Variants in FSTL5 observed in about 807,000 individuals in gnomAD.
The protein encoded by FSTL5 is follistatin-related protein 5.
Under a neutral mutation model 89.1 loss-of-function variants are expected in FSTL5, and 62 were observed. The observed-to-expected ratio is 0.70, with a 90% CI of 0.57 to 0.86. The LOEUF (loss-of-function observed/expected upper bound fraction) is 0.86, where lower values mean the gene tolerates loss of function less well. Ranked by LOEUF, FSTL5 falls within the 40% of genes least tolerant of loss-of-function variation. The probability of loss-of-function intolerance (pLI) is 0.00; values close to 1 mark genes in which losing one functional copy is unlikely to be tolerated. For synonymous variants in FSTL5, 383 were observed against 346.2 expected (o/e 1.11, Z -1.18); for missense variants, 1,057 against 1,001.6 (o/e 1.06, Z -0.75).
At chr4:162,044,650 AT>A (rs1738103524) in intron 2 of FSTL5, among the ~76,000 whole-genome samples, 1 of 152,192 alleles carries the variant, frequency 6.6e-6, no homozygotes, top group Non-Finnish European at 1.5e-5. Flanking sequence ...ATTTGTTTTC[AT>A]AGGAGGTTGT....
At chr4:162,029,869 A>C (rs1382817057) in intron 3 of FSTL5, among the ~76,000 whole-genome samples, 1 of 151,926 alleles carries the variant, frequency 6.6e-6, no homozygotes, top group Non-Finnish European at 1.5e-5. Context: ...CTATTTTAGG[A>C]AAGAACAAAA....
At chr4:161,943,609 G>T (rs550030686) in intron 3 of FSTL5, among the ~76,000 whole-genome samples, 1 of 129,312 alleles carries the variant, frequency 7.7e-6, no homozygotes, top group Admixed American at 9.1e-5. Context: ...AGGCTGGAGT[G>T]CAGTGGTGCA....
At chr4:162,003,229 T>C (rs1736517668) in intron 3 of FSTL5, among the ~76,000 whole-genome samples, 1 of 151,438 alleles carries the variant, frequency 6.6e-6, no homozygotes, top group Admixed American at 6.6e-5. Flanking sequence ...ACTAGAATAA[T>C]AATGCATTAC....
intron 11 of FSTL5, among the ~76,000 whole-genome samples, chr4:161,500,392 C>T (rs150497912): frequency 1.3e-5 from 2 of 152,176 alleles, no homozygotes; most frequent in East Asian, 3.9e-4. Flanking sequence ...TAGTTTAAAA[C>T]AGTTATAAAT....
chr4:161,454,805 A>G (rs1733290414), intron 15 of FSTL5, among the ~76,000 whole-genome samples, 199 bp downstream of exon 15: 1 of 152,242 alleles, frequency 6.6e-6, no homozygotes, highest in Non-Finnish European at 1.5e-5. Context: ...TCTGTTAGGC[A>G]TAAAGAGAAA....
chr4:161,890,729 A>G (rs1261279648), intron 4 of FSTL5, among the ~76,000 whole-genome samples: 1 of 151,076 alleles, frequency 6.6e-6, no homozygotes. Flanking sequence ...TCTTATCTCT[A>G]GTGTTATTTT....
At chr4:161,684,428 G>C (rs1413522643) in intron 6 of FSTL5, among the ~76,000 whole-genome samples, 1 of 151,942 alleles carries the variant, frequency 6.6e-6, no homozygotes. Flanking sequence ...CTACATTCAC[G>C]CCAACATCTA....
rs554450378 is a variant in FSTL5, at chr4:162,070,621, T to C, written c.127-36963A>G. On this transcript the variant is annotated intron_variant, in intron 2 of 15. Transcript: ENST00000306100. ...ACTGAAGAGGCTGTTATTTCTCCAA[T>C]GTATATTCTTGGCACCTTTGTGGAA... 3.3e-5 allele frequency among the ~76,000 whole-genome samples: 5 copies of C among 152,008 alleles called. No individual in the cohort carries two copies. In the East Asian group the frequency reaches 9.7e-4, roughly 29 times the overall value.
intron 8 of FSTL5, among the ~76,000 whole-genome samples, chr4:161,569,567 C>T (rs1229197452): frequency 6.6e-6 from 1 of 152,038 alleles, no homozygotes; most frequent in Non-Finnish European, 1.5e-5. Flanking sequence ...GCTCAAGATA[C>T]CAAGTAGCAA....
chr4:161,942,584 G>A (rs1329615902), intron 3 of FSTL5, among the ~76,000 whole-genome samples: 1 of 151,880 alleles, frequency 6.6e-6, no homozygotes, highest in Non-Finnish European at 1.5e-5. Context: ...TTATGAGGAA[G>A]AATTACTCAA....
chr4:162,051,833 G>C (rs1258717512), intron 2 of FSTL5, among the ~76,000 whole-genome samples: 1 of 151,492 alleles, frequency 6.6e-6, no homozygotes, highest in African/African-American at 2.4e-5. Context: ...AACAGTATTT[G>C]TGGGAAACTT....
chr4:161,522,941 C>T (rs1164832647), intron 10 of FSTL5, among the ~76,000 whole-genome samples: 1 of 132,748 alleles, frequency 7.5e-6, no homozygotes, highest in Non-Finnish European at 1.8e-5. Context: ...AATTTTTATC[C>T]TCTAATACAC....
rs116528511 is a variant in FSTL5, at chr4:162,037,988, G to A, written c.127-4330C>T. Among the ~76,000 whole-genome samples, 1,218 of 151,980 alleles carry A rather than the reference G, an allele frequency of 8.0e-3. 15 individuals are homozygous for A. The highest frequency in any genetic ancestry group is 0.028 in the African/African-American group (1,163 of 41,552). ...GAGAAAACATTATAAAGAAAATTGTGATTATTTAACTATGTGAGAACTCAC... is the reference window on the plus strand; with the variant it reads ...GAGAAAACATTATAAAGAAAATTGTAATTATTTAACTATGTGAGAACTCAC... On this transcript the variant is annotated intron_variant, in intron 2 of 15. Transcript: ENST00000306100.
rs1297823723 is a variant in FSTL5, at chr4:161,384,843, T to C, written c.*904A>G. ...AATGTTTCTTTTTTAAAACCGAAAG[T>C]TCCTGATGATGAAACATTGGACTAT... is the stretch of plus-strand genomic sequence containing the variant. On this transcript the variant is annotated 3_prime_UTR_variant, in exon 16 of 16. Coordinates refer to ENST00000306100, the MANE Select transcript of FSTL5 (RefSeq NM_020116.5). The C allele has an allele frequency of 6.6e-6, 1 of 152,136 alleles. No homozygotes were observed. Among genetic ancestry groups the C allele is most frequent in the Admixed American group, 6.6e-5 (1 of 15,246 alleles). 9.4% of individuals were successfully genotyped at this position (152,136 alleles called of 1,614,324 possible).
chr4:162,010,180 G>A (rs964927473), intron 3 of FSTL5, among the ~76,000 whole-genome samples: 2 of 151,902 alleles, frequency 1.3e-5, no homozygotes, highest in Admixed American at 6.6e-5. Flanking sequence ...GTTGTATCAG[G>A]CAATGTATCA....
chr4:161,398,884 C>G (rs987640219), intron 15 of FSTL5, among the ~76,000 whole-genome samples: 18 of 152,120 alleles, frequency 1.2e-4, no homozygotes, highest in African/African-American at 4.1e-4. Context: ...ACAATCTTCA[C>G]ATTATTATGT....
intron 7 of FSTL5, among the ~76,000 whole-genome samples, chr4:161,625,045 T>C (rs1735267776): frequency 6.6e-6 from 1 of 152,102 alleles, no homozygotes; most frequent in Admixed American, 6.6e-5. Context: ...TCTATGATGG[T>C]TAATAGTATA....
At chr4:161,533,170 A>G (rs74743055) in intron 10 of FSTL5, among the ~76,000 whole-genome samples, 1 of 90,528 alleles carries the variant, frequency 1.1e-5, no homozygotes, top group African/African-American at 2.8e-5. Flanking sequence ...AGAACTAGGA[A>G]AAAAAAAAAA....
intron 2 of FSTL5, among the ~76,000 whole-genome samples, chr4:162,081,837 T>G (rs1730112370): frequency 6.6e-6 from 1 of 150,832 alleles, no homozygotes; most frequent in Non-Finnish European, 1.5e-5. Flanking sequence ...CACACCTTCT[T>G]AAGCCGACAA....
Sources: gnomAD v4.1 joint callset for allele counts (sites outside exome capture counted in the v4.1 genomes callset) on GRCh38, gnomAD v4.1.1 for gene constraint, MANE v1.5 for transcripts, NCBI Gene and HGNC (gene_info 2026-07-23, HGNC 2026-07-21) for gene names.